The following ADGRV1 variants were observed in gnomAD, a reference collection of about 807,000 sequenced individuals.
The protein encoded by ADGRV1 is adhesion G protein-coupled receptor V1.
In ADGRV1, 359 loss-of-function variants were observed where a neutral mutation model predicts 596.2. The observed-to-expected ratio is 0.60, with a 90% CI of 0.55 to 0.66. The LOEUF is 0.66. Ranked by LOEUF, ADGRV1 falls within the 30% of genes least tolerant of loss-of-function variation. The pLI, the probability that ADGRV1 is intolerant of heterozygous loss-of-function variation, is 0.00. For missense variants in ADGRV1, 7,274 were observed against 7,575.6 expected (o/e 0.96, Z 1.48); for synonymous variants, 2,681 against 2,679.2 (o/e 1.00, Z -0.02).
Position 90,694,598 on chromosome 5 carries a change from G to C in ADGRV1, c.7842G>C (p.Gly2614=). Residue 2614 remains glycine (G), a synonymous_variant, in exon 33 of 90, where the codon GGG becomes GGC. Coordinates refer to ENST00000405460, the MANE Select transcript of ADGRV1 (RefSeq NM_032119.4). ...TGGAGCTGATGATACACAGGACAGG[G>C]GGCAGCTTAGGTCAAGTGGCAGTCG... The part of the protein sequence containing the change: ...TLVELMIHRT[G]GSLGQVAVEW... 1.2e-6 allele frequency: 2 copies of C among 1,613,832 alleles called. No individual in the cohort carries two copies. Among genetic ancestry groups the C allele is most frequent in the Non-Finnish European group, 1.7e-6 (2 of 1,179,818 alleles).
Position 90,823,545 on chromosome 5 carries a change from T to C in ADGRV1, c.16317T>C (p.Cys5439=), listed in dbSNP as rs1763797990. Reference sequence around the variant, plus strand: ...AGTCTGTGTCAGGGACCACAACCTGTACAATGGGTCAAACAAAATGCTTTA... The same window carrying C: ...AGTCTGTGTCAGGGACCACAACCTGCACAATGGGTCAAACAAAATGCTTTA... The part of the protein sequence containing the change: ...ELQSVSGTTT[C]TMGQTKCFIS... The change falls in exon 76 of 90, where the codon TGT becomes TGC. Residue 5439 remains cysteine, a synonymous_variant. Transcript: ENST00000405460. 2 of 1,613,878 alleles carry C rather than the reference T, an allele frequency of 1.2e-6. No homozygotes were observed. Among genetic ancestry groups the C allele is most frequent in the South Asian group, 1.1e-5 (1 of 91,080 alleles).
intron 87 of ADGRV1, among the ~76,000 whole-genome samples, chr5:91,137,118 T>C (rs1794703558): frequency 6.6e-6 from 1 of 152,148 alleles, no homozygotes; most frequent in Non-Finnish European, 1.5e-5. Context: ...GAAATTCTTG[T>C]TTTCCCTTTT....
At position 90,753,590 on chromosome 5, in the gene ADGRV1, G is replaced by A; in HGVS notation, c.11138G>A (p.Gly3713Asp). Residue 3713 changes from glycine (G) to aspartate (D), a missense_variant, in exon 54 of 90, where the codon GGC becomes GAC. By Grantham distance (94) the Gly-to-Asp change is moderately conservative (BLOSUM62 -1). Transcript: ENST00000405460. ...PTSGVILFTE[G>D]QVLSTITLTI... ...AAATTCTAGATTTTATTTACTGAAG[G>A]CCAGGTACTGTCAACAATCACTCTA... The A allele has an allele frequency of 6.2e-7, 1 of 1,605,854 alleles. No homozygotes were observed. Among genetic ancestry groups the A allele is most frequent in the Non-Finnish European group, 8.5e-7 (1 of 1,173,258 alleles).
In ADGRV1 at chr5:91,164,096, G is replaced by A. The variant is rs1280076984; in HGVS notation, c.*196G>A. 3 of 672,556 alleles carry A rather than the reference G, an allele frequency of 4.5e-6. No individual in the cohort carries two copies. Among genetic ancestry groups the A allele is most frequent in the South Asian group, 3.1e-5 (2 of 65,568 alleles). The allele number at this position is 672,556 out of a possible 1,614,324, so 41.7% of individuals were successfully genotyped here. A position where few individuals can be genotyped will look rare whatever the true frequency, so the allele number is the denominator to read the frequency against. ...AAAATTCACTGCTATAAGAAAGGTG[G>A]AGTCAGTTTGTATCAGTTAATAGGA... On this transcript the variant is annotated 3_prime_UTR_variant, in exon 90 of 90. Transcript: ENST00000405460.
intron 1 of ADGRV1, among the ~76,000 whole-genome samples, chr5:90,572,636 A>C (rs2151958307): frequency 6.6e-6 from 1 of 152,302 alleles, no homozygotes; most frequent in South Asian, 2.1e-4. Flanking sequence ...ATGCTCACAC[A>C]CGCACACGCA....
rs1425672703 is a variant in ADGRV1, at chr5:91,153,254, C to G, written c.18658C>G (p.Gln6220Glu). 6.2e-7 allele frequency: 1 copy of G among 1,608,570 alleles called. No individual in the cohort carries two copies. The highest frequency in any genetic ancestry group is 8.5e-7 in the Non-Finnish European group (1 of 1,177,440). ...TGACTGGGAGAGAGCATCCTTCCAA[C>G]AGGGCAGTCAGGCCAGCCCTGATTT... is the stretch of plus-strand genomic sequence containing the variant. ...PPDWERASFQ[Q>E]GSQASPDLKP... Residue 6220 changes from glutamine to glutamate, a missense_variant, in exon 89 of 90, where the codon CAG becomes GAG. Physicochemically the swap from Gln to Glu is conservative, Grantham distance 29. Transcript: ENST00000405460.
intron 21 of ADGRV1, among the ~76,000 whole-genome samples, chr5:90,666,749 C>T (rs1426741016): frequency 1.1e-4 from 17 of 151,462 alleles, no homozygotes; most frequent in South Asian, 6.3e-4. Flanking sequence ...CGGCTGGTAC[C>T]GGTTGTTCCT....
In ADGRV1 at chr5:90,823,501, A is replaced by T; in HGVS notation, c.16273A>T (p.Asn5425Tyr). ...CGTCGTGCTCCAGAAGGATGGGGTA[A>T]ACCTGGTGGAGGAACTTCAGTCTGT... ...TVVVLQKDGV[N>Y]LVEELQSVSG... is the part of the protein sequence containing the mutation. Residue 5425 changes from asparagine (N) to tyrosine (Y), a missense_variant, in exon 76 of 90, where the codon AAC (asparagine) becomes TAC (tyrosine). Transcript: ENST00000405460. 1 of 1,613,984 alleles carries T rather than the reference A, an allele frequency of 6.2e-7. No homozygotes were observed. The highest frequency in any genetic ancestry group is 8.5e-7 in the Non-Finnish European group (1 of 1,179,874).
intron 87 of ADGRV1, among the ~76,000 whole-genome samples, chr5:91,127,864 A>G (rs1793900992): frequency 6.6e-6 from 1 of 152,204 alleles, no homozygotes; most frequent in Admixed American, 6.5e-5. Flanking sequence ...AACCCTTTCC[A>G]AAATAAAGTC....
At chr5:90,836,220 G>T (rs1458059271) in intron 77 of ADGRV1, among the ~76,000 whole-genome samples, 2 of 152,194 alleles carry the variant, frequency 1.3e-5, no homozygotes, top group Admixed American at 6.5e-5. Flanking sequence ...CTCAGGAGTT[G>T]CAGTCCTGGA....
chr5:90,726,122 C>T (rs1751739035), intron 48 of ADGRV1, among the ~76,000 whole-genome samples: 1 of 152,162 alleles, frequency 6.6e-6, no homozygotes, highest in African/African-American at 2.4e-5. Context: ...CAGCTAATTC[C>T]CTTGTTGAAG....
In ADGRV1 at chr5:90,805,332, A is replaced by G; in HGVS notation, c.14710A>G (p.Thr4904Ala). ...TCAACTCATGAACATCACTGCTGGC[A>G]CAAGCCACGTTATGATTTCTAGGAG... ...AFQLMNITAG[T>A]SHVMISRRGT... The change falls in exon 72 of 90, where the codon ACA (threonine) becomes GCA (alanine). Residue 4904 changes from threonine to alanine, a missense_variant. By Grantham distance (58) the Thr-to-Ala change is moderately conservative. Around this residue, in one of 5 missense-constraint regions of ADGRV1, gnomAD observed 1,874 missense variants for 1,970.2 expected, o/e 0.95. Transcript: ENST00000405460. The G allele has an allele frequency of 6.2e-7, 1 of 1,612,946 alleles. No individual in the cohort carries two copies. Among genetic ancestry groups the G allele is most frequent in the East Asian group, 2.2e-5 (1 of 44,880 alleles).
rs1338935841 is a variant in ADGRV1 at position 90,635,216 on chromosome 5, G to A, written c.1942G>A (p.Ala648Thr). The change falls in exon 10 of 90, where the codon GCA (alanine) becomes ACA (threonine). Residue 648 changes from alanine to threonine, a missense_variant. Ala to Thr is a moderately conservative substitution (Grantham distance 58). Coordinates refer to ENST00000405460, the MANE Select transcript of ADGRV1 (RefSeq NM_032119.4). ...TTCTTTACTGGTTACTCCAGCCATTGCAAATGGAGAAATTGGCTTTCTCAG... is the reference window on the plus strand; with the variant it reads ...TTCTTTACTGGTTACTCCAGCCATTACAAATGGAGAAATTGGCTTTCTCAG... ...NISLLVTPAIANGEIGFLSNL... is the reference protein window; with the variant it reads ...NISLLVTPAITNGEIGFLSNL... 1 of 1,613,278 alleles carries A rather than the reference G, an allele frequency of 6.2e-7. No homozygotes were observed. Among genetic ancestry groups the A allele is most frequent in the South Asian group, 1.1e-5 (1 of 90,878 alleles).
chr5:90,735,306 C>A (rs2149851168), intron 50 of ADGRV1, among the ~76,000 whole-genome samples: 1 of 152,256 alleles, frequency 6.6e-6, no homozygotes, highest in South Asian at 2.1e-4. Context: ...GCACCTTTGT[C>A]AAAAATCAAT....
Position 90,558,927 on chromosome 5 carries a change from GGCTGAGGGGTGGT to G in ADGRV1, c.22+15_22+27del. ...GTGTTCCTGGGGCCAGGTAGGCTAT[GGCTGAGGGGTGGT>G]GCTGCGAGCATCGCTGAGCCCCAGG... On this transcript the variant is annotated intron_variant, in intron 1 of 89. Transcript: ENST00000405460. 6.4e-7 allele frequency: 1 copy of G among 1,555,440 alleles called. No individual in the cohort carries two copies. The highest frequency in any genetic ancestry group is 8.7e-7 in the Non-Finnish European group (1 of 1,149,008).
intron 83 of ADGRV1, among the ~76,000 whole-genome samples, chr5:90,958,662 C>T (rs748119524): frequency 2.0e-5 from 3 of 152,152 alleles, no homozygotes; most frequent in Non-Finnish European, 4.4e-5. Context: ...TTTGTCTTCA[C>T]GTGGTCTTTC....
intron 23 of ADGRV1, among the ~76,000 whole-genome samples, chr5:90,674,965 T>C (rs1457517315): frequency 6.6e-6 from 1 of 152,198 alleles, no homozygotes; most frequent in African/African-American, 2.4e-5. Flanking sequence ...TTTAAAACTG[T>C]ATCAGTATTC....
rs949303043 is a variant in ADGRV1, at chr5:90,638,025, C to CT, written c.2240+85dup. 5.5e-5 allele frequency: 56 copies of CT among 1,010,332 alleles called. 1 individual carries two copies. The highest frequency in any genetic ancestry group is 3.2e-4 in the Middle Eastern group (1 of 3,082). 62.6% of individuals were successfully genotyped at this position (1,010,332 alleles called of 1,614,324 possible). A position where few individuals can be genotyped will look rare whatever the true frequency, so the allele number is the denominator to read the frequency against. The stretch of plus-strand genomic sequence containing the variant: ...CAATAACTTTGATTTTTTTTTTACT[C>CT]TTTTTTTTCTATATAAAGTAAAAAA... On this transcript the variant is annotated intron_variant, in intron 11 of 89. Coordinates refer to ENST00000405460, the MANE Select transcript of ADGRV1 (RefSeq NM_032119.4).
At chr5:90,595,825 G>A (rs899392676) in intron 1 of ADGRV1, among the ~76,000 whole-genome samples, 4 of 148,212 alleles carry the variant, frequency 2.7e-5, no homozygotes, top group Non-Finnish European at 6.0e-5. Flanking sequence ...GGGGCAGCTG[G>A]CCGGGTGGGC....
Sources: gnomAD v4.1 joint callset for allele counts (sites outside exome capture counted in the v4.1 genomes callset) on GRCh38, gnomAD v4.1.1 for gene constraint, gnomAD v4.1.1 regional missense constraint, MANE v1.5 for transcripts, NCBI Gene and HGNC (gene_info 2026-07-23, HGNC 2026-07-21) for gene names.